Variants in DNAAF9 observed in about 807,000 individuals in gnomAD.
DNAAF9 encodes dynein axonemal assembly factor 9.
A neutral mutation model predicts 167.0 loss-of-function variants in DNAAF9; 90 were observed. That is an observed-to-expected ratio of 0.54 (90% confidence interval 0.45 to 0.64). DNAAF9 has a LOEUF of 0.64. DNAAF9 is among the 30% of genes least tolerant of loss of function. The pLI is 0.00. For missense variants in DNAAF9, 1,315 were observed against 1,442.2 expected (o/e 0.91, Z 1.43); for synonymous variants, 491 against 508.8 (o/e 0.96, Z 0.47).
rs181467436 is a variant in DNAAF9 at position 3,287,683 on chromosome 20, C to T, written c.2435G>A (p.Arg812His). Residue 812 changes from arginine (R) to histidine (H), a missense_variant, in exon 27 of 37, where the codon CGC (arginine) becomes CAC (histidine). Around this residue, in one of 2 missense-constraint regions of DNAAF9, gnomAD observed 981 missense variants for 1,012.5 expected, o/e 0.97. Transcript: ENST00000252032. ...ALEAQQNRSA[R>H]QSAYIRKKTR... ...CTTCTTGCGGATGTAGGCTGACTGGCGCGCAGAGCGGTTCTGCTGGGCCTC... is the reference window on the plus strand; with the variant it reads ...CTTCTTGCGGATGTAGGCTGACTGGTGCGCAGAGCGGTTCTGCTGGGCCTC... 43 of 1,614,226 alleles carry T rather than the reference C, an allele frequency of 2.7e-5. No homozygotes were observed. The highest frequency in any genetic ancestry group is 1.7e-4 in the Admixed American group (10 of 60,028).
At chr20:3,306,001 T>C (rs891048782) in intron 20 of DNAAF9, among the ~76,000 whole-genome samples, 22 of 152,072 alleles carry the variant, frequency 1.4e-4, no homozygotes, top group African/African-American at 4.3e-4. Context: ...CCCAGGCCAG[T>C]CTCCCCAACA....
intron 8 of DNAAF9, among the ~76,000 whole-genome samples, chr20:3,345,532 G>A (rs906790366): frequency 6.6e-6 from 1 of 152,026 alleles, no homozygotes; most frequent in Non-Finnish European, 1.5e-5. Flanking sequence ...AATGATTTGA[G>A]GGAAAAAATA....
chr20:3,384,665 C>T (rs1030534674), intron 1 of DNAAF9, among the ~76,000 whole-genome samples: 1 of 151,750 alleles, frequency 6.6e-6, no homozygotes, highest in Non-Finnish European at 1.5e-5. Context: ...TGCACTACCA[C>T]ACCTGGGAAA....
At chr20:3,361,176 G>A (rs895090047) in intron 6 of DNAAF9, among the ~76,000 whole-genome samples, 2 of 152,162 alleles carry the variant, frequency 1.3e-5, no homozygotes, top group African/African-American at 4.8e-5. Flanking sequence ...GGATCTTGAG[G>A]AGGGAATAAA....
chr20:3,332,893 TGCGTGTG>T (rs751445548), intron 10 of DNAAF9, among the ~76,000 whole-genome samples: 269 of 133,762 alleles, frequency 2.0e-3, no homozygotes, highest in Middle Eastern at 0.019. Context: ...TGTGCGTGTG[TGCGTGTG>T]GTGTGTGTGT....
intron 7 of DNAAF9, among the ~76,000 whole-genome samples, chr20:3,353,974 C>T (rs2083251443): frequency 6.6e-6 from 1 of 152,164 alleles, no homozygotes; most frequent in East Asian, 1.9e-4. Flanking sequence ...CATGCACATT[C>T]TATTTTTCCA....
chr20:3,291,659 C>A (rs1391137241), intron 25 of DNAAF9, among the ~76,000 whole-genome samples: 1 of 152,028 alleles, frequency 6.6e-6, no homozygotes, highest in Admixed American at 6.6e-5. Flanking sequence ...TTTTATTTCA[C>A]AATACACAAG....
At chr20:3,376,820 T>C (rs1006791566) in intron 3 of DNAAF9, among the ~76,000 whole-genome samples, 2 of 152,190 alleles carry the variant, frequency 1.3e-5, no homozygotes, top group Non-Finnish European at 2.9e-5. Context: ...ATCCCAGCAC[T>C]TTGGGAGGCT....
At chr20:3,346,413 A>C (rs577645205) in intron 8 of DNAAF9, among the ~76,000 whole-genome samples, 1 of 152,326 alleles carries the variant, frequency 6.6e-6, no homozygotes, top group South Asian at 2.1e-4. Context: ...CATTATGTGC[A>C]CATACAAGAG....
In DNAAF9 at chr20:3,332,310, A is replaced by G; in HGVS notation, c.1033T>C (p.Phe345Leu). ...TAAGGAACATGAGTAGCTCCAAAAAAGTATGTTCTCGAACAAGCAAGAGGT... is the reference window on the plus strand; with the variant it reads ...TAAGGAACATGAGTAGCTCCAAAAAGGTATGTTCTCGAACAAGCAAGAGGT... The part of the protein sequence containing the change: ...KGPLACSRTY[F>L]FGATHVPYLG... Residue 345 changes from phenylalanine to leucine, a missense_variant, in exon 11 of 37, where the codon TTT becomes CTT. Coordinates refer to ENST00000252032, the MANE Select transcript of DNAAF9 (RefSeq NM_001009984.3). The G allele has an allele frequency of 1.2e-6, 2 of 1,606,212 alleles. No individual in the cohort carries two copies. The highest frequency in any genetic ancestry group is 2.7e-5 in the African/African-American group (2 of 74,890).
intron 20 of DNAAF9, among the ~76,000 whole-genome samples, chr20:3,306,268 C>G (rs1263379136): frequency 6.6e-6 from 1 of 152,166 alleles, no homozygotes. Context: ...CTCCCCACAC[C>G]CCATCCTCTG....
chr20:3,313,322 A>G (rs910918166), intron 20 of DNAAF9, among the ~76,000 whole-genome samples: 3 of 152,236 alleles, frequency 2.0e-5, no homozygotes, highest in African/African-American at 7.2e-5. Flanking sequence ...TTACCACTCC[A>G]GCAGTATGTG....
chr20:3,404,284 C>T (rs1007893257), intron 1 of DNAAF9, among the ~76,000 whole-genome samples: 9 of 152,172 alleles, frequency 5.9e-5, no homozygotes, highest in African/African-American at 2.2e-4. Context: ...GATCCACCCA[C>T]CTTGGCCTCT....
At chr20:3,321,414 A>G (rs1048794690) in intron 16 of DNAAF9, among the ~76,000 whole-genome samples, 1 of 152,172 alleles carries the variant, frequency 6.6e-6, no homozygotes, top group Non-Finnish European at 1.5e-5. Flanking sequence ...CATGATGGTA[A>G]TATTTGTGAA....
intron 27 of DNAAF9, among the ~76,000 whole-genome samples, chr20:3,285,753 C>T (rs1049437438): frequency 8.1e-5 from 12 of 148,912 alleles, no homozygotes; most frequent in African/African-American, 2.5e-4. Flanking sequence ...CTGAGGTGGG[C>T]GGATCACCTG....
chr20:3,296,720 G>C (rs745607648), intron 23 of DNAAF9, 141 bp downstream of exon 23: 1 of 653,384 alleles, frequency 1.5e-6, no homozygotes, highest in Admixed American at 2.5e-5. Context: ...CCGGCTACCT[G>C]CAAGTTGGCA....
At chr20:3,349,204 C>CAAAAAAAA (rs56109511) in intron 7 of DNAAF9, among the ~76,000 whole-genome samples, 2 of 85,544 alleles carry the variant, frequency 2.3e-5, no homozygotes, top group African/African-American at 9.9e-5. Context: ...AAAAAAAAAA[C>CAAAAAAAA]AAAAAAAAAA....
intron 14 of DNAAF9, among the ~76,000 whole-genome samples, chr20:3,324,504 A>C (rs973506096): frequency 6.6e-6 from 1 of 152,112 alleles, no homozygotes; most frequent in Non-Finnish European, 1.5e-5. Context: ...TTCAAGAGAC[A>C]GATGAGGCCC....
At chr20:3,400,128 C>G (rs2083963177) in intron 1 of DNAAF9, among the ~76,000 whole-genome samples, 1 of 152,204 alleles carries the variant, frequency 6.6e-6, no homozygotes. Flanking sequence ...CTGGCATTCT[C>G]TGAATATTTC....
Sources: gnomAD v4.1 joint callset for allele counts (sites outside exome capture counted in the v4.1 genomes callset) on GRCh38, gnomAD v4.1.1 for gene constraint, gnomAD v4.1.1 regional missense constraint, MANE v1.5 for transcripts, NCBI Gene and HGNC (gene_info 2026-07-23, HGNC 2026-07-21) for gene names.